HELZ: variants seen among roughly 807,000 people sequenced by gnomAD.
HELZ encodes the protein helicase with zinc finger, also known as ATP-dependent RNA helicase with zinc finger domain.
In HELZ, 23 loss-of-function variants were observed where a neutral mutation model predicts 218.2. The ratio of observed to expected loss-of-function variants is 0.11; its 90% CI spans 0.08 to 0.15. The LOEUF (loss-of-function observed/expected upper bound fraction) is 0.15, where lower values mean the gene tolerates loss of function less well. Ranked by LOEUF, HELZ falls within the 10% of genes least tolerant of loss-of-function variation. The probability of loss-of-function intolerance (pLI) is 1.00; values close to 1 mark genes in which losing one functional copy is unlikely to be tolerated. For synonymous variants in HELZ, 814 were observed against 829.4 expected (o/e 0.98, Z 0.32); for missense variants, 1,813 against 2,353.7 (o/e 0.77, Z 4.75).
At chr17:67,221,859 T>TA in intron 3 of HELZ, among the ~76,000 whole-genome samples, 1 of 150,978 alleles carries the variant, frequency 6.6e-6, no homozygotes, top group South Asian at 2.1e-4. Context: ...TTTTTTTTTT[T>TA]AAGAGACAGA....
At chr17:67,154,201 G>C (rs549821338) in intron 17 of HELZ, among the ~76,000 whole-genome samples, 1 of 152,240 alleles carries the variant, frequency 6.6e-6, no homozygotes, top group African/African-American at 2.4e-5. Context: ...CCTGAAGTGG[G>C]TGGAACACTT....
intron 5 of HELZ, among the ~76,000 whole-genome samples, chr17:67,210,696 G>A (rs1041415852): frequency 2.6e-5 from 4 of 152,194 alleles, no homozygotes; most frequent in African/African-American, 9.7e-5. Flanking sequence ...GGCCAAGGCA[G>A]GCAGATCACA....
At chr17:67,103,803 A>G (rs760757392) in intron 31 of HELZ, among the ~76,000 whole-genome samples, 1 of 152,212 alleles carries the variant, frequency 6.6e-6, no homozygotes, top group African/African-American at 2.4e-5. Flanking sequence ...CAATCTTCCA[A>G]AAGAACAAAA....
At chr17:67,233,610 T>C (rs1328470229) in intron 3 of HELZ, among the ~76,000 whole-genome samples, 1 of 152,108 alleles carries the variant, frequency 6.6e-6, no homozygotes, top group Admixed American at 6.6e-5. Flanking sequence ...TAAACTTCCT[T>C]AGCTGTTGCC....
At chr17:67,116,792 G>C (rs2037441114) in intron 27 of HELZ, among the ~76,000 whole-genome samples, 1 of 152,138 alleles carries the variant, frequency 6.6e-6, no homozygotes, top group Non-Finnish European at 1.5e-5. Context: ...TTGATAGAAA[G>C]AGTAGAATCA....
At chr17:67,110,076 G>T (rs368726025) in intron 28 of HELZ, among the ~76,000 whole-genome samples, 2 of 149,642 alleles carry the variant, frequency 1.3e-5, no homozygotes, top group Non-Finnish European at 3.0e-5. Context: ...GTTTTGTTTT[G>T]TTTTTTTTTG....
At chr17:67,127,377 A>C (rs2037833235) in intron 24 of HELZ, among the ~76,000 whole-genome samples, 1 of 152,212 alleles carries the variant, frequency 6.6e-6, no homozygotes, top group African/African-American at 2.4e-5. Flanking sequence ...ATTTATGTAC[A>C]ATGTGTGATA....
Position 67,107,601 on chromosome 17 carries a change from T to C in HELZ, c.4809A>G (p.Arg1603=). The change falls in exon 31 of 33, where the codon AGA becomes AGG. Residue 1603 remains arginine, a synonymous_variant. Transcript: ENST00000358691. The stretch of plus-strand genomic sequence containing the variant: ...TCTGTACTTGTCTATATTGCAAAAG[T>C]CTTGATTGAGGTGGTGGCATTTCAG... The part of the protein sequence containing the change: ...ELAEMPPPQS[R]LLQYRQVQSR... The C allele has an allele frequency of 6.2e-7, 1 of 1,614,146 alleles. No homozygotes were observed.
intron 12 of HELZ, among the ~76,000 whole-genome samples, chr17:67,182,692 C>CA (rs2039647246): frequency 6.6e-6 from 1 of 152,148 alleles, no homozygotes; most frequent in Non-Finnish European, 1.5e-5. Flanking sequence ...TTGAAGATAA[C>CA]AGTCTTTTGA....
intron 32 of HELZ, 78 bp downstream of exon 32, chr17:67,086,751 G>A (rs1461495710): frequency 5.4e-6 from 8 of 1,475,044 alleles, no homozygotes; most frequent in Middle Eastern, 1.8e-4. Context: ...TTGGGGGCAG[G>A]TGGTATAGAA....
chr17:67,245,302 A>G, upstream of HELZ: 1 of 864,992 alleles, frequency 1.2e-6, no homozygotes, highest in Admixed American at 6.3e-5. Context: ...CCCGCCCGGA[A>G]AGTTGCCCCG....
chr17:67,127,719 G>A (rs1185387277), intron 24 of HELZ, among the ~76,000 whole-genome samples: 4 of 151,858 alleles, frequency 2.6e-5, no homozygotes, highest in East Asian at 1.9e-4. Context: ...TGGTGGATGC[G>A]CCTATAGTCC....
intron 7 of HELZ, among the ~76,000 whole-genome samples, chr17:67,197,335 T>C (rs1011406737): frequency 6.6e-6 from 1 of 152,226 alleles, no homozygotes; most frequent in Non-Finnish European, 1.5e-5. Flanking sequence ...TGTGAGTCCA[T>C]TAAACCTCTC....
chr17:67,142,492 A>G (rs886765271), intron 21 of HELZ, among the ~76,000 whole-genome samples: 2 of 152,224 alleles, frequency 1.3e-5, no homozygotes, highest in Non-Finnish European at 2.9e-5. Flanking sequence ...TAGGTGACAG[A>G]GCAAGACCCT....
intron 23 of HELZ, among the ~76,000 whole-genome samples, chr17:67,133,812 G>A (rs1357234418): frequency 6.6e-6 from 1 of 152,148 alleles, no homozygotes; most frequent in Admixed American, 6.5e-5. Context: ...ACTGCGCCTG[G>A]CCGGAACACT....
intron 12 of HELZ, among the ~76,000 whole-genome samples, chr17:67,184,264 A>C (rs1407294643): frequency 5.3e-5 from 8 of 152,250 alleles, no homozygotes; most frequent in Non-Finnish European, 8.8e-5. Context: ...TGCATGCTGC[A>C]TTTCTAAACT....
chr17:67,106,253 A>G (rs2037095575), intron 31 of HELZ, among the ~76,000 whole-genome samples: 1 of 146,082 alleles, frequency 6.8e-6, no homozygotes, highest in Admixed American at 6.7e-5. Context: ...AGTTTTTCAT[A>G]GGAAAAAAAA....
rs397778510 is a variant in HELZ, at chr17:67,085,563, T to TA, written c.5494+1265dup. Among the ~76,000 whole-genome samples the TA allele has an allele frequency of 6.6e-5, 10 of 151,902 alleles. No individual in the cohort carries two copies. The East Asian group carries it at 9.7e-4, about 15-fold the overall frequency. ...GCAAAAGCTTTTAAATGTTTTTTTT[T>TA]AATTTTTTTTACCATGTCTATTGTT... On this transcript the variant is annotated intron_variant, in intron 32 of 32. Transcript: ENST00000358691.
chr17:67,089,696 G>GAGAGAGAC lies in HELZ; in HGVS notation c.5242-2616_5242-2615insGTCTCTCT, dbSNP rs34752223. ...AGAGAGAGAGAGAGAGAGAGAGAGA[G>GAGAGAGAC]AGAGACAGAGAGACAGAGAGAGAGA... On this transcript the variant is annotated intron_variant, in intron 31 of 32. Transcript: ENST00000358691. Among the ~76,000 whole-genome samples the GAGAGAGAC allele has an allele frequency of 4.8e-3, 590 of 122,338 alleles. 3 individuals carry two copies. The highest frequency in any genetic ancestry group is 8.6e-3 in the East Asian group (36 of 4,170). The allele number at this position is 122,338 out of a possible 152,430, so 80.3% of individuals were successfully genotyped here. A position where few individuals can be genotyped will look rare whatever the true frequency, so the allele number is the denominator to read the frequency against.
Sources: gnomAD v4.1 joint callset for allele counts (sites outside exome capture counted in the v4.1 genomes callset) on GRCh38, gnomAD v4.1.1 for gene constraint, MANE v1.5 for transcripts, NCBI Gene and HGNC (gene_info 2026-07-23, HGNC 2026-07-21) for gene names.